Variants in TTC8 observed in about 807,000 individuals in gnomAD.
The protein encoded by TTC8 is tetratricopeptide repeat domain 8.
TTC8 carries 47 observed loss-of-function variants against 72.5 expected under a neutral mutation model. The ratio of observed to expected loss-of-function variants is 0.65; its 90% CI spans 0.51 to 0.83. The LOEUF (loss-of-function observed/expected upper bound fraction) is 0.83, where lower values mean the gene tolerates loss of function less well. Ranked by LOEUF, TTC8 falls within the 40% of genes least tolerant of loss-of-function variation. TTC8 has a pLI of 0.00. For missense variants in TTC8, 611 were observed against 623.2 expected (o/e 0.98, Z 0.21); for synonymous variants, 199 against 221.4 (o/e 0.90, Z 0.90).
At chr14:88,858,761 T>A (rs2094869531) in intron 9 of TTC8, among the ~76,000 whole-genome samples, 1 of 141,356 alleles carries the variant, frequency 7.1e-6, no homozygotes, top group African/African-American at 2.6e-5. Context: ...ATAATTTTTT[T>A]TTTTTTTTTT....
At chr14:88,859,901 A>ATTATATAATATATAAT (rs1252581566) in intron 9 of TTC8, among the ~76,000 whole-genome samples, 7 of 117,188 alleles carry the variant, frequency 6.0e-5, no homozygotes, top group South Asian at 7.2e-4. Context: ...TATATAATAT[A>ATTATATAATATATAAT]ATATAAATAT....
chr14:88,837,238 A>G (rs1595936222), intron 2 of TTC8, among the ~76,000 whole-genome samples: 1 of 151,760 alleles, frequency 6.6e-6, no homozygotes, highest in South Asian at 2.1e-4. Context: ...TTCTTCACCT[A>G]CACTCAATTC....
At chr14:88,860,572 A>G (rs1264942951) in intron 9 of TTC8, among the ~76,000 whole-genome samples, 1 of 152,004 alleles carries the variant, frequency 6.6e-6, no homozygotes, top group African/African-American at 2.4e-5. Context: ...CAGTCTCCTA[A>G]TTGGTTTCTT....
At chr14:88,853,128 AGG>A in intron 8 of TTC8, 72 bp downstream of exon 8, 1 of 1,075,892 alleles carries the variant, frequency 9.3e-7, no homozygotes, top group Non-Finnish European at 1.4e-6. Context: ...ATACTTTTTG[AGG>A]GGGGGGAGAT....
At position 88,871,841 on chromosome 14, in the gene TTC8, C is replaced by T; in HGVS notation, c.1224+118C>T. ...CTGAAGCAGGAGGATTGCTTGAGCC[C>T]AGGAGTTTGAGACCACCCTGGGCAA... On this transcript the variant is annotated intron_variant, in intron 12 of 14. Transcript: ENST00000380656. This position sits in a 1 kb window ranked among gnomAD's most constrained non-coding sequence, Gnocchi z 4.1. 1 of 1,234,166 alleles carries T rather than the reference C, an allele frequency of 8.1e-7. No homozygotes were observed. The highest frequency in any genetic ancestry group is 1.2e-6 in the Non-Finnish European group (1 of 851,030). 76.5% of individuals were successfully genotyped at this position (1,234,166 alleles called of 1,614,324 possible). A position where few individuals can be genotyped will look rare whatever the true frequency, so the allele number is the denominator to read the frequency against.
intron 10 of TTC8, among the ~76,000 whole-genome samples, chr14:88,861,835 A>C (rs2094887078): frequency 6.6e-6 from 1 of 152,132 alleles, no homozygotes; most frequent in African/African-American, 2.4e-5. Flanking sequence ...TTTATGGCTC[A>C]ATATTGCTTT....
chr14:88,869,942 C>A, intron 10 of TTC8, 117 bp from the exon 11 acceptor site: 2 of 1,042,162 alleles, frequency 1.9e-6, no homozygotes, highest in Non-Finnish European at 2.9e-6. Context: ...TGGAGTCTGG[C>A]ACATGGTAGC....
chr14:88,828,012 T>C (rs1032311597), intron 1 of TTC8, among the ~76,000 whole-genome samples: 2 of 152,188 alleles, frequency 1.3e-5, no homozygotes, highest in African/African-American at 4.8e-5. Flanking sequence ...TTGATGGAGT[T>C]GTTCATATTT....
intron 14 of TTC8, among the ~76,000 whole-genome samples, chr14:88,876,493 C>G (rs756077483): frequency 4.3e-4 from 65 of 151,984 alleles, no homozygotes; most frequent in Admixed American, 1.1e-3. Context: ...CCCAAAATAG[C>G]TAGAAGATTT....
Position 88,841,726 on chromosome 14 carries a change from T to C in TTC8, c.579+212T>C, listed in dbSNP as rs143209674. Among the ~76,000 whole-genome samples, 729 of 152,288 alleles carry C rather than the reference T, an allele frequency of 4.8e-3. 8 individuals carry two copies. Among genetic ancestry groups the C allele is most frequent in the South Asian group, 0.038 (182 of 4,820 alleles). On this transcript the variant is annotated intron_variant, in intron 6 of 14. Coordinates refer to ENST00000380656, the MANE Select transcript of TTC8 (RefSeq NM_144596.4). Reference sequence around the variant, plus strand: ...GTACATATACCATTATTATAGGAAATTCTTTTCCCTTGATAAAGAGTAGTA... The same window carrying C: ...GTACATATACCATTATTATAGGAAACTCTTTTCCCTTGATAAAGAGTAGTA...
At chr14:88,842,105 G>T (rs747886158) in intron 6 of TTC8, among the ~76,000 whole-genome samples, 3 of 152,088 alleles carry the variant, frequency 2.0e-5, no homozygotes, top group Non-Finnish European at 2.9e-5. Flanking sequence ...AAGAGAAAAA[G>T]AAAAATAAAG....
At chr14:88,859,501 A>G (rs986695132) in intron 9 of TTC8, among the ~76,000 whole-genome samples, 8 of 152,140 alleles carry the variant, frequency 5.3e-5, no homozygotes, top group Admixed American at 4.6e-4. Flanking sequence ...AGCAGCAGAC[A>G]CTGGGGCCTC....
intron 7 of TTC8, among the ~76,000 whole-genome samples, chr14:88,850,411 A>C (rs1042067215): frequency 2.0e-5 from 3 of 152,194 alleles, no homozygotes; most frequent in Non-Finnish European, 2.9e-5. Flanking sequence ...CAGATGGGCC[A>C]GGAATGGTGG....
chr14:88,824,850 A>C lies in TTC8; in HGVS notation c.114+29A>C, dbSNP rs145728823. On this transcript the variant is annotated intron_variant, in intron 1 of 14. Coordinates refer to ENST00000380656, the MANE Select transcript of TTC8 (RefSeq NM_144596.4). The stretch of plus-strand genomic sequence containing the variant: ...CCGGCCAGCTCCCGTCAGCCTGTGC[A>C]TCCTGACGCTGAGGCTGCGGGGTCT... 7.3e-4 allele frequency: 1,160 copies of C among 1,580,544 alleles called. 2 individuals are homozygous for C. Among genetic ancestry groups the C allele is most frequent in the Middle Eastern group, 6.4e-3 (38 of 5,972 alleles).
At chr14:88,838,637 G>A (rs1334073301) in intron 2 of TTC8, among the ~76,000 whole-genome samples, 1 of 152,106 alleles carries the variant, frequency 6.6e-6, no homozygotes, top group Non-Finnish European at 1.5e-5. Flanking sequence ...TAAAGGAAAG[G>A]TAGAAATTTC....
chr14:88,828,619 A>G (rs1041053441), intron 1 of TTC8, among the ~76,000 whole-genome samples: 1 of 152,120 alleles, frequency 6.6e-6, no homozygotes, highest in Non-Finnish European at 1.5e-5. Flanking sequence ...CCCATTACAA[A>G]AGATAGTTTT....
At chr14:88,855,389 A>G (rs570904681) in intron 8 of TTC8, among the ~76,000 whole-genome samples, 24 of 152,268 alleles carry the variant, frequency 1.6e-4, no homozygotes, top group Middle Eastern at 3.4e-3. Context: ...TGACTCTTTG[A>G]TACTGGCCGG....
At chr14:88,864,315 A>G (rs2094900752) in intron 10 of TTC8, among the ~76,000 whole-genome samples, 1 of 152,264 alleles carries the variant, frequency 6.6e-6, no homozygotes, top group Admixed American at 6.5e-5. Flanking sequence ...GAGTATGAAT[A>G]AAACTTTGAC....
At chr14:88,837,422 A>G (rs891364186) in intron 2 of TTC8, among the ~76,000 whole-genome samples, 4 of 152,000 alleles carry the variant, frequency 2.6e-5, no homozygotes, top group Non-Finnish European at 5.9e-5. Flanking sequence ...TTGTTATTAC[A>G]TTTTTCCCAT....
Sources: gnomAD v4.1 joint callset for allele counts (sites outside exome capture counted in the v4.1 genomes callset) on GRCh38, gnomAD v4.1.1 for gene constraint, Gnocchi (gnomAD v3.1) non-coding constraint, MANE v1.5 for transcripts, NCBI Gene and HGNC (gene_info 2026-07-23, HGNC 2026-07-21) for gene names.